FXYD6: variants seen among roughly 807,000 people sequenced by gnomAD.
FXYD6 encodes the protein FXYD domain-containing ion transport regulator 6.
Under a neutral mutation model 16.7 loss-of-function variants are expected in FXYD6, and 7 were observed. That is an observed-to-expected ratio of 0.42 (90% CI 0.24 to 0.79). The LOEUF (loss-of-function observed/expected upper bound fraction) is 0.79. Ranked by LOEUF, FXYD6 falls within the 30% of genes least tolerant of loss-of-function variation. FXYD6 has a pLI of 0.28. For missense variants in FXYD6, 111 were observed against 116.2 expected, an observed-to-expected ratio of 0.95 and a Z score of 0.21; for synonymous variants, 49 against 43.0, an observed-to-expected ratio of 1.14 and a Z score of -0.54.
chr11:117,851,358 G>A (rs941508815), intron 1 of FXYD6, among the ~76,000 whole-genome samples: 3 of 152,136 alleles, frequency 2.0e-5, no homozygotes, highest in Admixed American at 6.5e-5. Context: ...GGATATTCAG[G>A]CACCCCTGTG....
chr11:117,865,763 T>A (rs1205480720), intron 1 of FXYD6, among the ~76,000 whole-genome samples: 1 of 152,018 alleles, frequency 6.6e-6, no homozygotes, highest in African/African-American at 2.4e-5. Context: ...CCATCTCTAC[T>A]AAAATACAAA....
chr11:117,865,709 T>G (rs1404805926), intron 1 of FXYD6, among the ~76,000 whole-genome samples: 1 of 152,002 alleles, frequency 6.6e-6, no homozygotes, highest in Admixed American at 6.6e-5. Context: ...GTGGATCACC[T>G]GAGGTCAAGA....
intron 1 of FXYD6, among the ~76,000 whole-genome samples, chr11:117,857,503 G>A (rs2056760760): frequency 6.6e-6 from 1 of 151,558 alleles, no homozygotes; most frequent in South Asian, 2.1e-4. Flanking sequence ...TCTGCTGCCG[G>A]GTTCAAGCGA....
chr11:117,875,102 CTG>C (rs35917427), intron 1 of FXYD6, among the ~76,000 whole-genome samples: 2 of 150,580 alleles, frequency 1.3e-5, no homozygotes, highest in African/African-American at 4.9e-5. Context: ...TTTAGATGTA[CTG>C]TGTGTGTGTG....
intron 1 of FXYD6, among the ~76,000 whole-genome samples, chr11:117,864,818 C>G (rs1205639380): frequency 6.6e-6 from 1 of 152,158 alleles, no homozygotes; most frequent in Non-Finnish European, 1.5e-5. Flanking sequence ...AACTCCTGAC[C>G]TCGTGATCCG....
intron 6 of FXYD6, 108 bp downstream of exon 6, chr11:117,840,211 G>A (rs1182957037): frequency 1.6e-5 from 23 of 1,457,952 alleles, no homozygotes; most frequent in East Asian, 9.1e-5. Flanking sequence ...CTGGCACTGC[G>A]GGAGCATGTC....
rs146806694 is a variant in FXYD6, at chr11:117,852,496, C to T, written c.-5-9715G>A. 6.6e-5 allele frequency among the ~76,000 whole-genome samples: 10 copies of T among 152,358 alleles called. No individual in the cohort carries two copies. In the East Asian group the frequency reaches 1.3e-3, roughly 21 times the overall value. ...GCTTCCATGATTGCTGTTGAGAAGTCTGCTGCTTATATCATCATTCCTTTA... is the reference window on the plus strand; with the variant it reads ...GCTTCCATGATTGCTGTTGAGAAGTTTGCTGCTTATATCATCATTCCTTTA... On this transcript the variant is annotated intron_variant, in intron 1 of 7. Transcript: ENST00000526014.
At chr11:117,838,310 T>C (rs1201309726) in intron 7 of FXYD6, 33 bp from the exon 8 acceptor site, 11 of 702,466 alleles carry the variant, frequency 1.6e-5, no homozygotes, top group Non-Finnish European at 1.8e-5. Context: ...TTAAAAACAC[T>C]TCGGCTGCCT....
At position 117,859,492 on chromosome 11, in the gene FXYD6, T is replaced by G. The variant is rs1354685547; in HGVS notation, c.-5-16711A>C. ...TTGAGGCCCAGTCTGGGGGTCTGTA[T>G]TGGATACAAGAGGTAATAATTATAA... On this transcript the variant is annotated intron_variant, in intron 1 of 7. Coordinates refer to ENST00000526014, the MANE Select transcript of FXYD6 (RefSeq NM_022003.4). Among the ~76,000 whole-genome samples, 3 of 152,198 alleles carry G rather than the reference T, an allele frequency of 2.0e-5. No homozygotes were observed. The East Asian group carries it at 5.8e-4, about 29-fold the overall frequency.
intron 1 of FXYD6, among the ~76,000 whole-genome samples, chr11:117,873,507 G>A (rs73587001): frequency 3.7e-4 from 57 of 152,354 alleles, no homozygotes; most frequent in African/African-American, 1.3e-3. Flanking sequence ...TTTGCCTTTC[G>A]GTAGCACGGA....
At chr11:117,865,306 G>A (rs2056991306) in intron 1 of FXYD6, among the ~76,000 whole-genome samples, 1 of 152,164 alleles carries the variant, frequency 6.6e-6, no homozygotes, top group South Asian at 2.1e-4. Flanking sequence ...ACAGTACAGT[G>A]GTTCCTTAAA....
At chr11:117,863,856 T>G (rs1168966045) in intron 1 of FXYD6, among the ~76,000 whole-genome samples, 2 of 152,114 alleles carry the variant, frequency 1.3e-5, no homozygotes, top group African/African-American at 4.8e-5. Flanking sequence ...AACAACTCCA[T>G]ATCATAATAT....
At chr11:117,856,618 C>T (rs970661742) in intron 1 of FXYD6, among the ~76,000 whole-genome samples, 3 of 152,150 alleles carry the variant, frequency 2.0e-5, no homozygotes, top group Admixed American at 6.5e-5. Context: ...AATGGTTACC[C>T]TAGACTATTA....
chr11:117,847,078 C>T (rs757119715), intron 1 of FXYD6, among the ~76,000 whole-genome samples: 3 of 152,186 alleles, frequency 2.0e-5, no homozygotes, highest in African/African-American at 2.4e-5. Context: ...ACAGGTGTTG[C>T]ACATGTTCTG....
chr11:117,874,444 G>A (rs2134220642), intron 1 of FXYD6, among the ~76,000 whole-genome samples: 1 of 152,290 alleles, frequency 6.6e-6, no homozygotes, highest in South Asian at 2.1e-4. Flanking sequence ...CAGGGGGGAA[G>A]CAGGAAAACG....
At chr11:117,876,434 C>G (rs965425777) in intron 1 of FXYD6, among the ~76,000 whole-genome samples, 158 bp downstream of exon 1, 1 of 152,216 alleles carries the variant, frequency 6.6e-6, no homozygotes, top group Non-Finnish European at 1.5e-5. Context: ...TTCCCGCTGC[C>G]CAGGCGGGGA....
At chr11:117,841,747 C>T (rs2056349872) in intron 4 of FXYD6, 44 bp downstream of exon 4, 1 of 1,610,322 alleles carries the variant, frequency 6.2e-7, no homozygotes, top group Non-Finnish European at 8.5e-7. Context: ...GCTTAGCAGC[C>T]TCAGTCATTG....
chr11:117,871,892 T>C (rs755625491), intron 1 of FXYD6, among the ~76,000 whole-genome samples: 20 of 152,180 alleles, frequency 1.3e-4, no homozygotes, highest in South Asian at 2.1e-4. Flanking sequence ...TGCCACCCTC[T>C]ACTCGGCACA....
intron 1 of FXYD6, among the ~76,000 whole-genome samples, chr11:117,863,176 T>C (rs550332642): frequency 1.3e-5 from 2 of 152,208 alleles, no homozygotes; most frequent in African/African-American, 2.4e-5. Flanking sequence ...TCACTAATTC[T>C]GCTGGTGCCA....
Sources: gnomAD v4.1 joint callset for allele counts (sites outside exome capture counted in the v4.1 genomes callset) on GRCh38, gnomAD v4.1.1 for gene constraint, MANE v1.5 for transcripts, NCBI Gene and HGNC (gene_info 2026-07-23, HGNC 2026-07-21) for gene names.